TECPR1: variants seen among roughly 807,000 people sequenced by gnomAD.
The protein encoded by TECPR1 is tectonin beta-propeller repeat-containing protein 1.
A neutral mutation model predicts 162.4 loss-of-function variants in TECPR1; 122 were observed. The observed-to-expected ratio is 0.75, with a 90% CI of 0.65 to 0.87. The LOEUF (loss-of-function observed/expected upper bound fraction) is 0.87. TECPR1 is among the 40% of genes least tolerant of loss of function. The probability of loss-of-function intolerance (pLI) is 0.00; values close to 1 mark genes in which losing one functional copy is unlikely to be tolerated. For missense variants in TECPR1, 1,432 were observed against 1,618.2 expected, an observed-to-expected ratio of 0.88 and a Z score of 1.97; for synonymous variants, 642 against 670.6, an observed-to-expected ratio of 0.96 and a Z score of 0.66.
At chr7:98,243,277 T>C (rs1391254278) in intron 6 of TECPR1, among the ~76,000 whole-genome samples, 190 bp downstream of exon 6, 1 of 151,756 alleles carries the variant, frequency 6.6e-6, no homozygotes, top group Non-Finnish European at 1.5e-5. Context: ...GGAGGCCGCA[T>C]TGATGTGCCT....
chr7:98,248,881 G>T (rs1481032816), intron 2 of TECPR1, among the ~76,000 whole-genome samples: 1 of 150,830 alleles, frequency 6.6e-6, no homozygotes, highest in African/African-American at 2.4e-5. Flanking sequence ...GCTCTTTGGG[G>T]ACAAGGTGCA....
chr7:98,246,046 T>C lies in TECPR1; in HGVS notation c.101A>G (p.Glu34Gly). 1 of 1,582,350 alleles carries C rather than the reference T, an allele frequency of 6.3e-7. No homozygotes were observed. The highest frequency in any genetic ancestry group is 8.6e-7 in the Non-Finnish European group (1 of 1,164,938). The change falls in exon 3 of 26, where the codon GAG becomes GGG. Residue 34 changes from glutamate to glycine, a missense_variant. By Grantham distance (98) the Glu-to-Gly change is moderately conservative. Coordinates refer to ENST00000447648, the MANE Select transcript of TECPR1 (RefSeq NM_015395.3). ...YWEMCKDSQL[E>G]FKRVSATTQC... is the part of the protein sequence containing the mutation. ...CGTGGTGGCGCTGACGCGCTTGAAC[T>C]CCAGCTGGGAGTCCTTGCACATTTC...
At chr7:98,242,589 T>C (rs1490784704) in intron 6 of TECPR1, among the ~76,000 whole-genome samples, 7 of 90,596 alleles carry the variant, frequency 7.7e-5, no homozygotes, top group East Asian at 4.0e-4. Flanking sequence ...CATCCACCCA[T>C]CTATCCATCC....
rs74675457 is a variant in TECPR1, at chr7:98,237,072, A to G, written c.1036-151T>C. Among the ~76,000 whole-genome samples, 849 of 151,754 alleles carry G rather than the reference A, an allele frequency of 5.6e-3. 10 individuals are homozygous for G. The highest frequency in any genetic ancestry group is 0.024 in the Middle Eastern group (7 of 294). ...TGCTGGGGCTGTGTGGTGGGCACAGAAGTCAAATACTGGAAGGGGGCTCAG... is the reference window on the plus strand; with the variant it reads ...TGCTGGGGCTGTGTGGTGGGCACAGGAGTCAAATACTGGAAGGGGGCTCAG... On this transcript the variant is annotated intron_variant, in intron 9 of 25. Transcript: ENST00000447648.
chr7:98,236,625 G>T, intron 10 of TECPR1, 151 bp downstream of exon 10: 1 of 1,061,288 alleles, frequency 9.4e-7, no homozygotes, highest in South Asian at 1.6e-5. Context: ...TTCGGCTCTT[G>T]TGGCTTTTGT....
At chr7:98,225,992 G>A (rs761728277) in intron 17 of TECPR1, among the ~76,000 whole-genome samples, 1 of 152,208 alleles carries the variant, frequency 6.6e-6, no homozygotes, top group Admixed American at 6.5e-5. Context: ...CACTCGAGTG[G>A]CAGGAAGCAG....
In TECPR1 at chr7:98,223,131, C is replaced by T. The variant is rs61745947; in HGVS notation, c.2787G>A (p.Val929=). 0.028 allele frequency: 45,348 copies of T among 1,604,074 alleles called. 843 individuals carry two copies. Among genetic ancestry groups the T allele is most frequent in the South Asian group, 0.057 (5,125 of 89,370 alleles). Residue 929 remains valine, a synonymous_variant, in exon 21 of 26, where the codon GTG becomes GTA. Coordinates refer to ENST00000447648, the MANE Select transcript of TECPR1 (RefSeq NM_015395.3). The stretch of plus-strand genomic sequence containing the variant: ...ACACGTCCCTGAGGGCGATGGGGGG[C>T]ACCTCCAGCCAGGGCCCACTGGTCA... ...KLVTSGPWLE[V]PPIALRDVSI...
chr7:98,227,348 C>T (rs1018192634), intron 17 of TECPR1, among the ~76,000 whole-genome samples: 15 of 148,640 alleles, frequency 1.0e-4, no homozygotes, highest in Admixed American at 2.7e-4. Flanking sequence ...GCCAAGATCG[C>T]GCCACTGCAC....
rs186370916 is a variant in TECPR1, at chr7:98,234,016, G to C, written c.1182-105C>G. 2,573 of 1,397,808 alleles carry C rather than the reference G, an allele frequency of 1.8e-3. 5 individuals carry two copies. Among genetic ancestry groups the C allele is most frequent in the Non-Finnish European group, 2.2e-3 (2,279 of 1,050,340 alleles). The allele number at this position is 1,397,808 out of a possible 1,614,324, so 86.6% of individuals were successfully genotyped here. ...CCACCATGACTGCCTGTGGAAACTTGGGCAAGTCAGAACCTCTCTGAACTC... is the reference window on the plus strand; with the variant it reads ...CCACCATGACTGCCTGTGGAAACTTCGGCAAGTCAGAACCTCTCTGAACTC... On this transcript the variant is annotated intron_variant, in intron 10 of 25. Coordinates refer to ENST00000447648, the MANE Select transcript of TECPR1 (RefSeq NM_015395.3).
In TECPR1 at chr7:98,217,996, G is replaced by C. The variant is rs1335774337; in HGVS notation, c.3204C>G (p.Gly1068=). The part of the protein sequence containing the change: ...RQGITPSYPQ[G]SSWEHVSNNV... ...TGTTGGACACGTGCTCCCAGCTGGA[G>C]CCCTGCGGGTAGCTGGGCGTGATCC... is the stretch of plus-strand genomic sequence containing the variant. Residue 1068 remains glycine, a synonymous_variant, in exon 24 of 26, where the codon GGC becomes GGG. Coordinates refer to ENST00000447648, the MANE Select transcript of TECPR1 (RefSeq NM_015395.3). 6.4e-7 allele frequency: 1 copy of C among 1,567,942 alleles called. No homozygotes were observed. Among genetic ancestry groups the C allele is most frequent in the Admixed American group, 1.9e-5 (1 of 53,010 alleles).
At position 98,221,662 on chromosome 7, in the gene TECPR1, A is replaced by C; in HGVS notation, c.3156T>G (p.Asn1052Lys). 6.2e-7 allele frequency: 1 copy of C among 1,613,052 alleles called. No homozygotes were observed. Among genetic ancestry groups the C allele is most frequent in the Non-Finnish European group, 8.5e-7 (1 of 1,179,702 alleles). The change falls in exon 23 of 26, where the codon AAT becomes AAG. Residue 1052 changes from asparagine (N) to lysine (K), a missense_variant and splice_region_variant. By Grantham distance (94) the Asn-to-Lys change is moderately conservative (BLOSUM62 0). Transcript: ENST00000447648. ...AAATTTAAAAAAAGAGCAACTTGCC[A>C]TTCTCATCCAGGGCATACACCGACG... ...GQTSVYALDENGNLWYRQGIT... is the reference protein window; with the variant it reads ...GQTSVYALDEKGNLWYRQGIT...
At chr7:98,243,001 TCC>T (rs1798805025) in intron 6 of TECPR1, among the ~76,000 whole-genome samples, 1 of 6,704 alleles carries the variant, frequency 1.5e-4, no homozygotes, top group Admixed American at 3.1e-3. Context: ...CACCCACCCA[TCC>T]ACCCATCCAT....
intron 23 of TECPR1, among the ~76,000 whole-genome samples, chr7:98,220,012 C>T (rs1026473612): frequency 6.6e-6 from 1 of 151,568 alleles, no homozygotes; most frequent in Non-Finnish European, 1.5e-5. Context: ...ATTAATACCA[C>T]TTTATTTCTG....
intron 2 of TECPR1, 87 bp from the exon 3 acceptor site, chr7:98,246,252 A>T: frequency 1.3e-6 from 1 of 748,812 alleles, no homozygotes; most frequent in South Asian, 2.0e-5. Context: ...TTCTACTGTG[A>T]CTATTTATTC....
chr7:98,226,496 C>A (rs1313635055), intron 17 of TECPR1: 1 of 1,022,222 alleles, frequency 9.8e-7, no homozygotes, highest in African/African-American at 1.7e-5. Context: ...TTGTCTGCCC[C>A]CAACACGGAC....
At chr7:98,249,039 C>A (rs980605034) in intron 2 of TECPR1, among the ~76,000 whole-genome samples, 4 of 151,968 alleles carry the variant, frequency 2.6e-5, no homozygotes, top group African/African-American at 9.7e-5. Flanking sequence ...CAGACCTGCA[C>A]CACCACATCT....
chr7:98,221,539 C>T, intron 23 of TECPR1, 122 bp downstream of exon 23: 1 of 765,698 alleles, frequency 1.3e-6, no homozygotes, highest in Non-Finnish European at 2.2e-6. Flanking sequence ...GTTGGCCAGG[C>T]TGGTCTCGAA....
intron 2 of TECPR1, among the ~76,000 whole-genome samples, chr7:98,249,481 CT>C (rs1334447503): frequency 6.6e-6 from 1 of 152,180 alleles, no homozygotes; most frequent in Non-Finnish European, 1.5e-5. Context: ...GCTGGGACCC[CT>C]GGTGACCCCT....
rs1445794772 is a variant in TECPR1, at chr7:98,218,696, A to G, written c.3158-654T>C. Among the ~76,000 whole-genome samples, 4 of 152,240 alleles carry G rather than the reference A, an allele frequency of 2.6e-5. No individual in the cohort carries two copies. The East Asian group carries it at 5.8e-4, about 22-fold the overall frequency. ...ATCTCTATAAGGAGAACTACAAAAC[A>G]CTGCTGAAAGAAATCATAGATGACA... On this transcript the variant is annotated intron_variant, in intron 23 of 25. Coordinates refer to ENST00000447648, the MANE Select transcript of TECPR1 (RefSeq NM_015395.3).
Sources: allele counts gnomAD v4.1 joint callset (sites outside exome capture counted in the v4.1 genomes callset), GRCh38; gene constraint gnomAD v4.1.1; transcripts MANE v1.5; gene names NCBI Gene and HGNC (gene_info 2026-07-23, HGNC 2026-07-21).